CCDC180: variants seen among roughly 807,000 people sequenced by gnomAD.
CCDC180 encodes coiled-coil domain-containing protein 180.
In CCDC180, 154 loss-of-function variants were observed where a neutral mutation model predicts 209.2. The ratio of observed to expected loss-of-function variants is 0.74; its 90% confidence interval spans 0.65 to 0.84. The LOEUF is 0.84. CCDC180 is among the 40% of genes least tolerant of loss of function. The pLI, the probability that CCDC180 is intolerant of heterozygous loss-of-function variation, is 0.00. For missense variants in CCDC180, 1,874 were observed against 1,997.3 expected, an observed-to-expected ratio of 0.94 and a Z score of 1.18; for synonymous variants, 778 against 749.1, an observed-to-expected ratio of 1.04 and a Z score of -0.63.
Position 97,307,799 on chromosome 9 carries a change from C to T in CCDC180, c.-89C>T, listed in dbSNP as rs773411856. The stretch of plus-strand genomic sequence containing the variant: ...CGGCCTCCTGCTCGAGTTCAGAGCT[C>T]ATCTGAGGTTAGTTTCATCGTTTCG... On this transcript the variant is annotated 5_prime_UTR_variant, in exon 1 of 37. Transcript: ENST00000529487. 4 of 1,614,056 alleles carry T rather than the reference C, an allele frequency of 2.5e-6. No homozygotes were observed. In the African/African-American group the frequency reaches 4.0e-5, roughly 16 times the overall value.
At chr9:97,373,948 A>C (rs1003186488) in intron 34 of CCDC180, 6 of 152,488 alleles carry the variant, frequency 3.9e-5, no homozygotes, top group African/African-American at 1.4e-4. Context: ...CCCCTGAGCC[A>C]GGAAGACTCC....
chr9:97,321,722 C>G (rs945524877), intron 11 of CCDC180, among the ~76,000 whole-genome samples: 3 of 152,110 alleles, frequency 2.0e-5, no homozygotes, highest in Non-Finnish European at 2.9e-5. Context: ...ATGAACAGGT[C>G]CCCAGCCATG....
chr9:97,308,049 C>T lies in CCDC180; in HGVS notation c.-15C>T, dbSNP rs749334746. 2 of 1,613,340 alleles carry T rather than the reference C, an allele frequency of 1.2e-6. No homozygotes were observed. The highest frequency in any genetic ancestry group is 1.6e-4 in the Middle Eastern group (1 of 6,076). ...ACGACGGCTTCCCGGCAGGGGCATC[C>T]AGCCAGCGGCCAAGATGTCGTCAGT... On this transcript the variant is annotated 5_prime_UTR_variant, in exon 2 of 37. An upstream open reading frame in the 5' UTR gains an earlier in-frame stop. Coordinates refer to ENST00000529487, the MANE Select transcript of CCDC180 (RefSeq NM_020893.6).
intron 3 of CCDC180, 104 bp downstream of exon 3, chr9:97,309,708 C>G (rs1832917730): frequency 6.6e-6 from 6 of 909,790 alleles, no homozygotes; most frequent in Non-Finnish European, 9.5e-6. Flanking sequence ...GGAATGAAGT[C>G]TCAAGTACCA....
intron 11 of CCDC180, 46 bp downstream of exon 11, chr9:97,320,251 T>A: frequency 6.5e-7 from 1 of 1,546,554 alleles, no homozygotes; most frequent in Non-Finnish European, 8.9e-7. Context: ...CCAGAACTGT[T>A]TAAGCAGTTG....
rs913547406 is a variant in CCDC180, at chr9:97,366,119, A to C, written c.4047+380A>C. 2.6e-5 allele frequency among the ~76,000 whole-genome samples: 4 copies of C among 152,190 alleles called. No individual in the cohort carries two copies. The highest frequency in any genetic ancestry group is 9.6e-5 in the African/African-American group (4 of 41,454). The stretch of plus-strand genomic sequence containing the variant: ...ACAAGCTGCCCAGTGCCCTGTTCCC[A>C]CATGCCCTGCACCGTAGTGCGAGTG... On this transcript the variant is annotated intron_variant, in intron 30 of 36. Coordinates refer to ENST00000529487, the MANE Select transcript of CCDC180 (RefSeq NM_020893.6). This position sits in a 1 kb window ranked among gnomAD's most constrained non-coding sequence, Gnocchi z 4.3.
rs143940033 is a variant in CCDC180, at chr9:97,316,685, G to T, written c.796-380G>T. Among the ~76,000 whole-genome samples the T allele has an allele frequency of 1.8e-3, 275 of 152,302 alleles. 1 individual carries two copies. Among genetic ancestry groups the T allele is most frequent in the African/African-American group, 5.7e-3 (235 of 41,560 alleles). On this transcript the variant is annotated intron_variant, in intron 8 of 36. Coordinates refer to ENST00000529487, the MANE Select transcript of CCDC180 (RefSeq NM_020893.6). Reference sequence around the variant, plus strand: ...TTCTCCTAACAACCATATGTGGCTCGTCCCTGATGGCACGAGCACTCTGCT... The same window carrying T: ...TTCTCCTAACAACCATATGTGGCTCTTCCCTGATGGCACGAGCACTCTGCT...
chr9:97,346,752 A>G (rs1157674665), intron 19 of CCDC180, among the ~76,000 whole-genome samples: 2 of 152,140 alleles, frequency 1.3e-5, no homozygotes, highest in African/African-American at 4.8e-5. Flanking sequence ...TTTTTAAAAT[A>G]TTTTATAGAG....
At chr9:97,319,495 C>T (rs1298215790) in intron 10 of CCDC180, among the ~76,000 whole-genome samples, 3 of 152,152 alleles carry the variant, frequency 2.0e-5, no homozygotes, top group African/African-American at 7.2e-5. Flanking sequence ...CCACCCTCCA[C>T]CCTCAAGTAG....
rs758544361 is a variant in CCDC180 at position 97,374,620 on chromosome 9, G to A, written c.4678G>A (p.Glu1560Lys). 3.7e-6 allele frequency: 6 copies of A among 1,614,112 alleles called. No individual in the cohort carries two copies. In the Admixed American group the frequency reaches 5.0e-5, roughly 13 times the overall value. Residue 1560 changes from glutamate to lysine, a missense_variant, in exon 35 of 37, where the codon GAG becomes AAG. By Grantham distance (56) the Glu-to-Lys change is moderately conservative (BLOSUM62 1). Coordinates refer to ENST00000529487, the MANE Select transcript of CCDC180 (RefSeq NM_020893.6). ...LAGLSLKEES[E>K]KPLIERGSRK... ...TGGGCTCTCCCTGAAGGAAGAGAGT[G>A]AGAAACCCCTGATTGAACGTGGAAG...
At chr9:97,355,840 T>C (rs185017637) in intron 24 of CCDC180, among the ~76,000 whole-genome samples, 9 of 151,658 alleles carry the variant, frequency 5.9e-5, no homozygotes, top group Admixed American at 5.9e-4. Flanking sequence ...AGGTAGGCGG[T>C]GGGGAGTGAA....
intron 34 of CCDC180, 97 bp downstream of exon 34, chr9:97,371,803 A>G (rs1228588098): frequency 7.4e-6 from 5 of 674,874 alleles, no homozygotes; most frequent in African/African-American, 7.0e-5. Context: ...CAAAGTGAAA[A>G]CAAGTGATCC....
Position 97,377,835 on chromosome 9 carries a change from A to G in CCDC180, c.*941A>G, listed in dbSNP as rs998684326. ...AATGTGCTACCTTTCATTGCTTATT[A>G]TTCCGAAAGGAATATATGCGCATTG... On this transcript the variant is annotated 3_prime_UTR_variant, in exon 37 of 37. Transcript: ENST00000529487. The G allele has an allele frequency of 6.5e-5, 8 of 123,316 alleles. No homozygotes were observed. Among genetic ancestry groups the G allele is most frequent in the African/African-American group, 2.6e-4 (8 of 31,040 alleles). The allele number at this position is 123,316 out of a possible 1,614,324, so 7.6% of individuals were successfully genotyped here.
chr9:97,345,329 A>G (rs960689931), intron 19 of CCDC180, among the ~76,000 whole-genome samples: 6 of 152,230 alleles, frequency 3.9e-5, no homozygotes, highest in African/African-American at 1.4e-4. Flanking sequence ...TTTACAGTTT[A>G]TAACAGCATA....
Position 97,374,604 on chromosome 9 carries a change from C to T in CCDC180, c.4662C>T (p.Ser1554=), listed in dbSNP as rs139139121. ...TACGAAGGAAACTCGCTGGGCTCTC[C>T]CTGAAGGAAGAGAGTGAGAAACCCC... ...MLIRRKLAGL[S]LKEESEKPLI... Residue 1554 remains serine (S), a synonymous_variant, in exon 35 of 37, where the codon TCC becomes TCT. Transcript: ENST00000529487. 1 of 1,614,112 alleles carries T rather than the reference C, an allele frequency of 6.2e-7. No individual in the cohort carries two copies. The highest frequency in any genetic ancestry group is 1.3e-5 in the African/African-American group (1 of 75,024).
chr9:97,361,702 C>G (rs1352458004), intron 26 of CCDC180, 24 bp from the exon 27 acceptor site: 2 of 1,611,992 alleles, frequency 1.2e-6, no homozygotes, highest in East Asian at 4.5e-5. Context: ...CTTACACCCT[C>G]AGGCCCTTCT....
intron 9 of CCDC180, among the ~76,000 whole-genome samples, chr9:97,318,190 G>A (rs1173763682): frequency 2.0e-5 from 3 of 152,184 alleles, no homozygotes; most frequent in Non-Finnish European, 4.4e-5. Context: ...GAGCCTGCTG[G>A]TCTCATGCTG....
chr9:97,373,565 T>C (rs1225074950), intron 34 of CCDC180: 2 of 152,250 alleles, frequency 1.3e-5, no homozygotes, highest in Admixed American at 1.3e-4. Flanking sequence ...TTGGCTGGGC[T>C]GGCCAGTCAA....
intron 18 of CCDC180, among the ~76,000 whole-genome samples, chr9:97,341,747 T>A (rs1164779919): frequency 6.6e-6 from 1 of 152,156 alleles, no homozygotes; most frequent in African/African-American, 2.4e-5. Flanking sequence ...TCTGCAGAAG[T>A]TTCTGCTGCC....
Sources: gnomAD v4.1 joint callset for allele counts (sites outside exome capture counted in the v4.1 genomes callset) on GRCh38, gnomAD v4.1.1 for gene constraint, Gnocchi (gnomAD v3.1) non-coding constraint, MANE v1.5 for transcripts, NCBI Gene and HGNC (gene_info 2026-07-23, HGNC 2026-07-21) for gene names.